COL21A1: variants seen among roughly 807,000 people sequenced by gnomAD.
COL21A1 encodes collagen type XXI alpha 1 chain.
In COL21A1, 149 loss-of-function variants were observed where a neutral mutation model predicts 137.9. The observed-to-expected ratio is 1.08, with a 90% CI of 0.95 to 1.24. The LOEUF (loss-of-function observed/expected upper bound fraction) is 1.24. Among genes scored for constraint, COL21A1 ranks in the 50% most tolerant of loss-of-function variants. The probability of loss-of-function intolerance (pLI) is 0.00; values close to 1 mark genes in which losing one functional copy is unlikely to be tolerated. For synonymous variants in COL21A1, 456 were observed against 391.5 expected (o/e 1.16, Z -1.95); for missense variants, 1,167 against 1,158.4 (o/e 1.01, Z -0.11).
At chr6:56,120,395 T>A (rs1772354530) in intron 16 of COL21A1, among the ~76,000 whole-genome samples, 1 of 152,066 alleles carries the variant, frequency 6.6e-6, no homozygotes, top group Non-Finnish European at 1.5e-5. Context: ...AGGCAAACAA[T>A]AACAAATGCT....
chr6:56,163,711 A>C (rs942744282), intron 9 of COL21A1, among the ~76,000 whole-genome samples: 4 of 152,156 alleles, frequency 2.6e-5, no homozygotes, highest in African/African-American at 9.7e-5. Context: ...CGTCTCAAAA[A>C]AAAAAAAAAA....
intron 3 of COL21A1, among the ~76,000 whole-genome samples, chr6:56,176,964 G>A (rs1194952375): frequency 6.7e-6 from 1 of 149,158 alleles, no homozygotes; most frequent in African/African-American, 2.5e-5. Flanking sequence ...GAAGGAATGA[G>A]GGAGGCAGGA....
At chr6:56,154,136 T>C (rs1285756127) in intron 10 of COL21A1, among the ~76,000 whole-genome samples, 1 of 152,102 alleles carries the variant, frequency 6.6e-6, no homozygotes, top group Non-Finnish European at 1.5e-5. Flanking sequence ...GTGGGTTAGT[T>C]ACCAAGGGAG....
chr6:56,067,706 T>C (rs1438045296), intron 22 of COL21A1, among the ~76,000 whole-genome samples: 1 of 151,696 alleles, frequency 6.6e-6, no homozygotes, highest in East Asian at 1.9e-4. Flanking sequence ...AAGCTATTAG[T>C]AGCCACAAGT....
chr6:56,189,972 C>A (rs1778551636), intron 1 of COL21A1, among the ~76,000 whole-genome samples: 1 of 152,108 alleles, frequency 6.6e-6, no homozygotes, highest in South Asian at 2.1e-4. Context: ...GAAGGAAGCA[C>A]TAAACATGGC....
At chr6:56,166,714 T>A in intron 7 of COL21A1, 192 bp downstream of exon 7, 2 of 676,156 alleles carry the variant, frequency 3.0e-6, no homozygotes, top group South Asian at 3.2e-5. Context: ...ACTTGCACAA[T>A]GACACATAAC....
At chr6:56,097,776 A>C in intron 17 of COL21A1, among the ~76,000 whole-genome samples, 1 of 113,344 alleles carries the variant, frequency 8.8e-6, no homozygotes, top group South Asian at 2.5e-4. Context: ...AATATATATA[A>C]ATATATAAAA....
At chr6:56,262,828 C>T (rs553042931) in intron 1 of COL21A1, among the ~76,000 whole-genome samples, 42 of 152,250 alleles carry the variant, frequency 2.8e-4, no homozygotes, top group African/African-American at 1.0e-3. Context: ...GCAGCATCAG[C>T]AGCCTGGTTC....
chr6:56,194,821 T>A (rs1486230146), intron 1 of COL21A1, among the ~76,000 whole-genome samples: 1 of 88,342 alleles, frequency 1.1e-5, no homozygotes, highest in East Asian at 4.3e-4. Context: ...TGGCTACAGT[T>A]TGAATGTTTG....
intron 1 of COL21A1, among the ~76,000 whole-genome samples, chr6:56,360,484 G>A (rs188803938): frequency 1.5e-3 from 230 of 152,260 alleles, no homozygotes; most frequent in African/African-American, 4.9e-3. Flanking sequence ...GTGGTGGCAA[G>A]AGTTAACAGA....
At chr6:56,203,577 G>A (rs926587048) in intron 1 of COL21A1, among the ~76,000 whole-genome samples, 1 of 152,194 alleles carries the variant, frequency 6.6e-6, no homozygotes, top group Non-Finnish European at 1.5e-5. Context: ...CAAGAAAACT[G>A]TCAAAATCTA....
intron 3 of COL21A1, among the ~76,000 whole-genome samples, chr6:56,172,322 A>G (rs1196548726): frequency 5.9e-5 from 9 of 152,214 alleles, no homozygotes; most frequent in Non-Finnish European, 1.5e-5. Context: ...TGATAAGACT[A>G]TCAGCAGATT....
intron 1 of COL21A1, among the ~76,000 whole-genome samples, chr6:56,227,263 G>T (rs542390262): frequency 2.6e-4 from 40 of 152,042 alleles, no homozygotes; most frequent in Non-Finnish European, 5.4e-4. Context: ...TGACATGCTA[G>T]TTCATGCTGT....
rs114738122 is a variant in COL21A1 at position 56,077,266 on chromosome 6, G to T, written c.1857+263C>A. On this transcript the variant is annotated intron_variant, in intron 18 of 29. Transcript: ENST00000244728. ...AATTAACTATAAAGAAGTAAATTAT[G>T]CCATAATTATGTTAGAGAACAAAGT... Among the ~76,000 whole-genome samples the T allele has an allele frequency of 8.2e-3, 1,235 of 151,374 alleles. 19 individuals are homozygous for T. The highest frequency in any genetic ancestry group is 0.029 in the African/African-American group (1,192 of 41,418).
chr6:56,171,268 T>G lies in COL21A1; in HGVS notation c.641-140A>C, dbSNP rs1256847135. 9 of 435,024 alleles carry G rather than the reference T, an allele frequency of 2.1e-5. No homozygotes were observed. In the East Asian group the frequency reaches 2.1e-4, roughly 10 times the overall value. The allele number at this position is 435,024 out of a possible 1,614,324, so 26.9% of individuals were successfully genotyped here. On this transcript the variant is annotated intron_variant, in intron 3 of 29. Transcript: ENST00000244728. ...TACATATGTATACAAATGTATAGTA[T>G]ATAAATGTATATGAATACATTTTCT...
intron 1 of COL21A1, among the ~76,000 whole-genome samples, chr6:56,287,247 T>G (rs558269138): frequency 2.0e-5 from 3 of 152,204 alleles, no homozygotes; most frequent in Admixed American, 2.0e-4. Flanking sequence ...CTCTTTTACA[T>G]TGTGGCCCTG....
intron 1 of COL21A1, among the ~76,000 whole-genome samples, chr6:56,206,828 TAACA>T (rs1355327974): frequency 6.6e-6 from 1 of 150,926 alleles, no homozygotes; most frequent in Non-Finnish European, 1.5e-5. Flanking sequence ...ATGAAAATCA[TAACA>T]AACAGTCTCT....
intron 1 of COL21A1, among the ~76,000 whole-genome samples, chr6:56,246,855 T>C (rs1043652917): frequency 2.1e-5 from 3 of 141,744 alleles, no homozygotes; most frequent in African/African-American, 8.5e-5. Flanking sequence ...AAGTTTTAAA[T>C]ATGTTAATGC....
intron 1 of COL21A1, among the ~76,000 whole-genome samples, chr6:56,359,645 C>T (rs747856400): frequency 6.6e-6 from 1 of 152,246 alleles, no homozygotes; most frequent in South Asian, 2.1e-4. Context: ...TTTATCTTTA[C>T]GAGTAATGTA....
Sources: allele counts gnomAD v4.1 joint callset (sites outside exome capture counted in the v4.1 genomes callset), GRCh38; gene constraint gnomAD v4.1.1; transcripts MANE v1.5; gene names NCBI Gene and HGNC (gene_info 2026-07-23, HGNC 2026-07-21).